The following LINGO3 variants were observed in gnomAD, a reference collection of about 807,000 sequenced individuals.
The protein encoded by LINGO3 is leucine rich repeat and Ig domain containing 3.
For missense variants in LINGO3, 750 were observed against 867.7 expected, an observed-to-expected ratio of 0.86 and a Z score of 1.70; for synonymous variants, 427 against 444.2, an observed-to-expected ratio of 0.96 and a Z score of 0.49.
At chr19:2,301,649 G>C in the LINGO3 span, among the ~76,000 whole-genome samples, 6 of 152,138 alleles carry the variant, frequency 3.9e-5, no homozygotes, top group African/African-American at 1.4e-4. Context: ...CGACCCCGGG[G>C]CTGGGTGCGG....
the LINGO3 span, among the ~76,000 whole-genome samples, chr19:2,306,557 G>T: frequency 6.6e-6 from 1 of 152,166 alleles, no homozygotes; most frequent in Non-Finnish European, 1.5e-5. Flanking sequence ...GCTGAGGGAG[G>T]CCAGGCAGGG....
the LINGO3 span, among the ~76,000 whole-genome samples, chr19:2,303,576 C>T: frequency 6.6e-6 from 1 of 152,178 alleles, no homozygotes. Context: ...TCCGGACTTG[C>T]ATCCACAGGC....
the LINGO3 span, among the ~76,000 whole-genome samples, chr19:2,299,575 C>G: frequency 6.6e-5 from 10 of 151,502 alleles, no homozygotes; most frequent in South Asian, 2.1e-3. Context: ...AGGCGCCCAC[C>G]ACTATGCCCG....
At chr19:2,299,645 C>G in the LINGO3 span, among the ~76,000 whole-genome samples, 4 of 143,562 alleles carry the variant, frequency 2.8e-5, no homozygotes, top group Non-Finnish European at 4.5e-5. Flanking sequence ...AGGATGGTCT[C>G]GATCTCCTGA....
exon 1 of LINGO3, chr19:2,291,936 C>T (rs2145088015): frequency 1.5e-6 from 1 of 656,576 alleles, no homozygotes; most frequent in Non-Finnish European, 2.7e-6. Flanking sequence ...CCTGTAAACC[C>T]AGCATTTTGG....
At chr19:2,291,430 A>C in exon 1 of LINGO3, 3 of 1,613,240 alleles carry the variant, frequency 1.9e-6, no homozygotes, top group Non-Finnish European at 2.5e-6. Flanking sequence ...GGGCGGGATG[A>C]GCTTCAGCTG....
downstream of LINGO3, chr19:2,289,748 AC>A (rs907060758): frequency 2.2e-5 from 2 of 93,014 alleles, no homozygotes; most frequent in African/African-American, 4.7e-5. Flanking sequence ...CCGCACCCCC[AC>A]CCCCCAGCTC....
exon 1 of LINGO3, chr19:2,291,044 C>G: frequency 6.2e-7 from 1 of 1,610,572 alleles, no homozygotes; most frequent in Non-Finnish European, 8.5e-7. Flanking sequence ...AGGTTCAGGC[C>G]CCGCAGGCTG....
chr19:2,291,472 G>T (rs771957087), exon 1 of LINGO3: 15 of 1,612,548 alleles, frequency 9.3e-6, no homozygotes, highest in African/African-American at 1.3e-5. Context: ...GCGCAGGCGC[G>T]GCAGGTTGGC....
the LINGO3 span, among the ~76,000 whole-genome samples, chr19:2,301,426 A>G: frequency 6.6e-6 from 1 of 152,040 alleles, no homozygotes; most frequent in Non-Finnish European, 1.5e-5. Context: ...GACAGGCACA[A>G]ATGTCCCTGG....
downstream of LINGO3, among the ~76,000 whole-genome samples, chr19:2,288,673 G>A (rs2025487545): frequency 6.6e-6 from 1 of 152,162 alleles, no homozygotes; most frequent in African/African-American, 2.4e-5. This position sits in a 1 kb window ranked among gnomAD's most constrained non-coding sequence, Gnocchi z 6.5. Flanking sequence ...CTGGGCTGTG[G>A]GGAGGACGGA....
upstream of LINGO3, among the ~76,000 whole-genome samples, chr19:2,292,679 G>C (rs376833667): frequency 6.6e-6 from 1 of 151,764 alleles, no homozygotes; most frequent in Admixed American, 6.6e-5. Context: ...TAGTAGAGAC[G>C]GGGTTTTACC....
upstream of LINGO3, among the ~76,000 whole-genome samples, chr19:2,296,015 GC>G (rs1271472396): frequency 4.6e-5 from 7 of 151,710 alleles, no homozygotes; most frequent in African/African-American, 1.5e-4. Context: ...GAGGGGGCAT[GC>G]CCCCCCCAAC....
the LINGO3 span, among the ~76,000 whole-genome samples, chr19:2,297,101 TAAAAA>T: frequency 6.7e-6 from 1 of 149,710 alleles, no homozygotes; most frequent in African/African-American, 2.5e-5. Context: ...CAAAAAAAAA[TAAAAA>T]AGAAGAAGAA....
the LINGO3 span, among the ~76,000 whole-genome samples, chr19:2,303,151 A>C: frequency 6.6e-6 from 1 of 151,742 alleles, no homozygotes; most frequent in Admixed American, 6.6e-5. Context: ...CCCAGCCCGG[A>C]CCCCCACCCA....
the LINGO3 span, among the ~76,000 whole-genome samples, chr19:2,306,885 G>C: frequency 6.6e-6 from 1 of 152,114 alleles, no homozygotes; most frequent in African/African-American, 2.4e-5. Context: ...CTGCTGCTTC[G>C]GCTCAGAGAA....
At chr19:2,291,918 G>A (rs1478708493) in exon 1 of LINGO3, 1 of 711,830 alleles carries the variant, frequency 1.4e-6, no homozygotes, top group South Asian at 1.5e-5. Flanking sequence ...CCAGCACGGC[G>A]GCTCGCTCCT....
rs1384705923 is a variant in LINGO3, at chr19:2,290,107, C to A, written c.1670G>T (p.Gly557Val). 1.2e-6 allele frequency: 2 copies of A among 1,607,430 alleles called. No individual in the cohort carries two copies. Among genetic ancestry groups the A allele is most frequent in the Admixed American group, 3.4e-5 (2 of 58,676 alleles). The stretch of plus-strand genomic sequence containing the variant: ...CACCGAGAAGTTGTTTTTGTGCTGC[C>A]CGCGGCCGCGGCTCCACACGAACAG... Residue 557 changes from glycine to valine, a missense_variant, in exon 1 of 1, where the codon GGG becomes GTG. Physicochemically the swap from Gly to Val is moderately radical, Grantham distance 109 (BLOSUM62 -3). Coordinates refer to ENST00000585527, the Ensembl canonical transcript of LINGO3. The surrounding 1 kb of genome is among the most constrained non-coding windows in gnomAD (Gnocchi z 6.0).
At chr19:2,296,701 A>T (rs992064899), upstream of LINGO3, among the ~76,000 whole-genome samples, 5 of 150,762 alleles carry the variant, frequency 3.3e-5, no homozygotes, top group African/African-American at 1.2e-4. Flanking sequence ...TTGGTTTCGA[A>T]CTCCACTTCA....
Sources: allele counts gnomAD v4.1 joint callset (sites outside exome capture counted in the v4.1 genomes callset), GRCh38; gene constraint gnomAD v4.1.1; non-coding constraint Gnocchi (gnomAD v3.1); transcripts MANE v1.5; gene names NCBI Gene and HGNC (gene_info 2026-07-23, HGNC 2026-07-21).